SEC31A: variants seen among roughly 807,000 people sequenced by gnomAD.
SEC31A encodes SEC31 homolog A, COPII component.
In SEC31A, 70 loss-of-function variants were observed where a neutral mutation model predicts 151.0. The ratio of observed to expected loss-of-function variants is 0.46; its 90% CI spans 0.38 to 0.57. The LOEUF (loss-of-function observed/expected upper bound fraction) is 0.57, where lower values mean the gene tolerates loss of function less well. Ranked by LOEUF, SEC31A falls within the 20% of genes least tolerant of loss-of-function variation. The probability of loss-of-function intolerance (pLI) is 0.00; values close to 1 mark genes in which losing one functional copy is unlikely to be tolerated. For missense variants in SEC31A, 1,330 were observed against 1,471.2 expected (o/e 0.90, Z 1.57); for synonymous variants, 475 against 505.9 (o/e 0.94, Z 0.82).
intron 8 of SEC31A, among the ~76,000 whole-genome samples, chr4:82,869,163 A>T (rs1736071193): frequency 6.6e-6 from 1 of 152,074 alleles, no homozygotes; most frequent in Non-Finnish European, 1.5e-5. Context: ...TCTGTCACCC[A>T]GGCTGGAGTG....
At chr4:82,890,052 A>ACC in intron 1 of SEC31A, among the ~76,000 whole-genome samples, 1 of 152,016 alleles carries the variant, frequency 6.6e-6, no homozygotes, top group Admixed American at 6.6e-5. Context: ...ACAGCGTGAA[A>ACC]CCCCGTCTCT....
At position 82,849,092 on chromosome 4, in the gene SEC31A, G is replaced by C. The variant is rs1730853760; in HGVS notation, c.2329-115C>G. 1.5e-5 allele frequency: 14 copies of C among 941,308 alleles called. No homozygotes were observed. In the South Asian group the frequency reaches 2.3e-4, roughly 15 times the overall value. 58.3% of individuals were successfully genotyped at this position (941,308 alleles called of 1,614,324 possible). The stretch of plus-strand genomic sequence containing the variant: ...GATATCCCTTTTTGTTCATAATGCT[G>C]GGTATTATACAATAGACCCTGACAC... On this transcript the variant is annotated intron_variant, in intron 19 of 26. Transcript: ENST00000395310.
At chr4:82,842,670 T>G in intron 21 of SEC31A, 189 bp from the exon 22 acceptor site, 1 of 531,918 alleles carries the variant, frequency 1.9e-6, no homozygotes, top group Non-Finnish European at 3.3e-6. Flanking sequence ...ATTCAATAGC[T>G]TCAGTATTTG....
chr4:82,856,686 G>A (rs1732750628), intron 16 of SEC31A, among the ~76,000 whole-genome samples: 1 of 152,044 alleles, frequency 6.6e-6, no homozygotes, highest in Non-Finnish European at 1.5e-5. Context: ...AGAAGGTGGA[G>A]GTTGCAGTGA....
Position 82,870,349 on chromosome 4 carries a change from G to A in SEC31A, c.858C>T (p.Leu286=). 1 of 1,613,866 alleles carries A rather than the reference G, an allele frequency of 6.2e-7. No individual in the cohort carries two copies. The highest frequency in any genetic ancestry group is 8.5e-7 in the Non-Finnish European group (1 of 1,179,794). The part of the protein sequence containing the change: ...LLSCGKDAKI[L]CSNPNTGEVL... ...CCTCTCCTGTGTTTGGATTGGAGCA[G>A]AGAATCTTAGCATCTTTTCCACAGC... The change falls in exon 8 of 27, where the codon CTC becomes CTT. Residue 286 remains leucine (L), a synonymous_variant. Transcript: ENST00000395310.
At chr4:82,842,551 A>G in intron 21 of SEC31A, 70 bp from the exon 22 acceptor site, 6 of 1,130,488 alleles carry the variant, frequency 5.3e-6, no homozygotes, top group Non-Finnish European at 7.5e-6. Flanking sequence ...AGAAAACTAA[A>G]AAGTTATCTC....
At chr4:82,833,980 T>C (rs976999857) in intron 22 of SEC31A, among the ~76,000 whole-genome samples, 2 of 152,204 alleles carry the variant, frequency 1.3e-5, no homozygotes, top group Non-Finnish European at 2.9e-5. Flanking sequence ...CAGATGTTTT[T>C]CATACAAGAT....
chr4:82,835,668 A>G (rs2149121817), intron 22 of SEC31A, among the ~76,000 whole-genome samples: 1 of 152,240 alleles, frequency 6.6e-6, no homozygotes, highest in Non-Finnish European at 1.5e-5. Context: ...GGTGGCACAC[A>G]CATGTAGTTC....
chr4:82,858,542 CAAAAAAAAA>C (rs201988682), intron 14 of SEC31A, among the ~76,000 whole-genome samples: 113 of 62,952 alleles, frequency 1.8e-3, no homozygotes, highest in African/African-American at 3.4e-3. Context: ...GACTCTGTCT[CAAAAAAAAA>C]AAAAAAAAAA....
At chr4:82,826,729 A>C (rs554516220) in intron 24 of SEC31A, among the ~76,000 whole-genome samples, 69 of 152,362 alleles carry the variant, frequency 4.5e-4, no homozygotes, top group Admixed American at 1.4e-3. Context: ...GACTTCAATG[A>C]ATCAAAGACA....
intron 1 of SEC31A, chr4:82,890,703 A>C (rs1316093363): frequency 4.8e-6 from 5 of 1,050,044 alleles, no homozygotes; most frequent in Non-Finnish European, 5.7e-6. Context: ...ACCAAAGCCA[A>C]AGTAATCCTG....
chr4:82,880,885 C>A lies in SEC31A; in HGVS notation c.117G>T (p.Thr39=), dbSNP rs551091435. ...ATTCAAATATCTCAAGGGAAGCATT[C>A]GTACTAAATGTTGCATCCAATTGCT... ...SAQQLDATFS[T]NASLEIFELD... Residue 39 remains threonine (T), a synonymous_variant, in exon 3 of 27, where the codon ACG becomes ACT. Coordinates refer to ENST00000395310, the MANE Select transcript of SEC31A (RefSeq NM_001077207.4). 1.2e-6 allele frequency: 2 copies of A among 1,611,128 alleles called. No homozygotes were observed. Among genetic ancestry groups the A allele is most frequent in the Non-Finnish European group, 1.7e-6 (2 of 1,177,600 alleles).
chr4:82,883,114 G>A (rs1386593902), intron 1 of SEC31A, among the ~76,000 whole-genome samples: 2 of 151,464 alleles, frequency 1.3e-5, no homozygotes, highest in African/African-American at 2.4e-5. Flanking sequence ...AGCGAGACTC[G>A]GTCTCAAAAA....
chr4:82,876,789 C>T (rs1328345981), intron 4 of SEC31A, among the ~76,000 whole-genome samples: 6 of 152,138 alleles, frequency 3.9e-5, no homozygotes, highest in Non-Finnish European at 7.3e-5. Flanking sequence ...CTACTATTTA[C>T]TCTTACAAAT....
In SEC31A at chr4:82,857,026, T is replaced by G. The variant is rs761830219; in HGVS notation, c.1807A>C (p.Ile603Leu). The change falls in exon 16 of 27, where the codon ATA (isoleucine) becomes CTA (leucine). Residue 603 changes from isoleucine to leucine, a missense_variant. Transcript: ENST00000395310. ...GCCAAGAGTTCTTGTCCACCTGCTA[T>G]GGCCAATATAATGGCATCGGCCATG... is the stretch of plus-strand genomic sequence containing the variant. ...NRMADAIILA[I>L]AGGQELLART... The G allele has an allele frequency of 6.2e-7, 1 of 1,614,036 alleles. No homozygotes were observed. The highest frequency in any genetic ancestry group is 2.2e-5 in the East Asian group (1 of 44,884).
rs78931085 is a variant in SEC31A, at chr4:82,888,804, T to C, written c.-5+2284A>G. Among the ~76,000 whole-genome samples the C allele has an allele frequency of 1.2e-3, 189 of 152,372 alleles. 2 individuals are homozygous for C. The East Asian group carries it at 0.03, about 24-fold the overall frequency. On this transcript the variant is annotated intron_variant, in intron 1 of 26. Transcript: ENST00000395310. Reference sequence around the variant, plus strand: ...ATTGCATTCAATTAGGTGGAAACTTTTTTATTTCTGCTCATTTTCAAAGTG... The same window carrying C: ...ATTGCATTCAATTAGGTGGAAACTTCTTTATTTCTGCTCATTTTCAAAGTG...
chr4:82,878,832 G>A lies in SEC31A; in HGVS notation c.300C>T (p.Leu100=), dbSNP rs1738601898. 6.2e-7 allele frequency: 1 copy of A among 1,613,798 alleles called. No individual in the cohort carries two copies. Among genetic ancestry groups the A allele is most frequent in the Non-Finnish European group, 8.5e-7 (1 of 1,179,770 alleles). The change falls in exon 4 of 27, where the codon CTC becomes CTT. Residue 100 remains leucine (L), a synonymous_variant. Coordinates refer to ENST00000395310, the MANE Select transcript of SEC31A (RefSeq NM_001077207.4). ...CAGCTATAATTTTAGAAGGATCATA[G>A]AGAATAATATTTCCATTTTCACCAC... The part of the protein sequence containing the change: ...IAGGENGNII[L]YDPSKIIAGD...
At chr4:82,891,251 G>A (rs538195660), upstream of SEC31A, 3,152 of 1,383,198 alleles carry the variant, frequency 2.3e-3, 1 homozygote, top group Non-Finnish European at 2.9e-3. Context: ...ACTTCCGGGA[G>A]CGACATCTTT....
chr4:82,829,319 G>C (rs557069772), intron 22 of SEC31A: 149 of 348,814 alleles, frequency 4.3e-4, no homozygotes, highest in African/African-American at 2.8e-3. Context: ...CTAAATTTAG[G>C]GTGGTGAAGT....
Sources: allele counts gnomAD v4.1 joint callset (sites outside exome capture counted in the v4.1 genomes callset), GRCh38; gene constraint gnomAD v4.1.1; transcripts MANE v1.5; gene names NCBI Gene and HGNC (gene_info 2026-07-23, HGNC 2026-07-21).